The following NFXL1 variants were observed in gnomAD, a reference collection of about 807,000 sequenced individuals.
NFXL1 encodes nuclear transcription factor, X-box binding like 1.
Under a neutral mutation model 123.3 loss-of-function variants are expected in NFXL1, and 66 were observed. The ratio of observed to expected loss-of-function variants is 0.54; its 90% CI spans 0.44 to 0.66. The LOEUF (loss-of-function observed/expected upper bound fraction) is 0.66, where lower values mean the gene tolerates loss of function less well. Ranked by LOEUF, NFXL1 falls within the 30% of genes least tolerant of loss-of-function variation. NFXL1 has a pLI of 0.00. For synonymous variants in NFXL1, 346 were observed against 360.8 expected (o/e 0.96, Z 0.46); for missense variants, 944 against 1,125.6 (o/e 0.84, Z 2.31).
chr4:47,897,875 G>T, intron 9 of NFXL1, 92 bp downstream of exon 9: 2 of 710,806 alleles, frequency 2.8e-6, no homozygotes, highest in Non-Finnish European at 4.6e-6. Context: ...TTAGTAATAT[G>T]CACTTAAGTT....
chr4:47,884,571 GCTTA>G, intron 14 of NFXL1, 134 bp from the exon 15 acceptor site: 1 of 547,444 alleles, frequency 1.8e-6, no homozygotes, highest in East Asian at 3.0e-5. Context: ...AATAAATTGT[GCTTA>G]CTGAAATATT....
rs1244075803 is a variant in NFXL1 at position 47,878,625 on chromosome 4, C to G, written c.1979G>C (p.Cys660Ser). ...CAAGATTCTTCCACAAACTCTTTTA[C>G]AAGAGTAGGGTCCTACAGCATGGCA... ...LPCHAVGPYS[C>S]KRVCGRILDC... Residue 660 changes from cysteine (C) to serine (S), a missense_variant, in exon 17 of 23, where the codon TGT becomes TCT. Transcript: ENST00000507489. 6.2e-7 allele frequency: 1 copy of G among 1,605,084 alleles called. No homozygotes were observed.
intron 4 of NFXL1, among the ~76,000 whole-genome samples, chr4:47,904,771 GTTTTGTCTGAA>G (rs1188819194): frequency 6.6e-6 from 1 of 152,148 alleles, no homozygotes; most frequent in African/African-American, 2.4e-5. Context: ...AAGGACATGA[GTTTTGTCTGAA>G]TCTCTCTCCC....
chr4:47,908,308 C>T (rs1737655474), intron 3 of NFXL1, among the ~76,000 whole-genome samples: 1 of 151,930 alleles, frequency 6.6e-6, no homozygotes, highest in Non-Finnish European at 1.5e-5. Flanking sequence ...CTTGCAGTAC[C>T]AGCTACTTGG....
chr4:47,867,685 T>C (rs921682464), intron 18 of NFXL1, among the ~76,000 whole-genome samples: 3 of 151,980 alleles, frequency 2.0e-5, no homozygotes, highest in African/African-American at 7.3e-5. Flanking sequence ...GAAACAACTT[T>C]AGGGGTCCCA....
intron 18 of NFXL1, among the ~76,000 whole-genome samples, chr4:47,874,126 C>A (rs189656135): frequency 6.6e-6 from 1 of 152,314 alleles, no homozygotes; most frequent in East Asian, 1.9e-4. Context: ...CTATCCAAAC[C>A]ACTAAAACTT....
intron 1 of NFXL1, 62 bp downstream of exon 1, chr4:47,914,303 G>C: frequency 8.4e-6 from 8 of 952,276 alleles, no homozygotes; most frequent in Non-Finnish European, 1.1e-5. Flanking sequence ...GTGAGGGGCC[G>C]AGTGAGGAAG....
At chr4:47,856,998 G>A (rs750892676) in intron 19 of NFXL1, among the ~76,000 whole-genome samples, 6 of 151,910 alleles carry the variant, frequency 3.9e-5, no homozygotes, top group South Asian at 4.2e-4. Flanking sequence ...CTCAAAATAC[G>A]TCTCTATATC....
At chr4:47,875,027 T>C (rs940965572) in intron 18 of NFXL1, 100 bp downstream of exon 18, 8 of 669,276 alleles carry the variant, frequency 1.2e-5, no homozygotes, top group African/African-American at 5.6e-5. Flanking sequence ...TCTAGGCATC[T>C]AGAGTTTAAG....
Position 47,849,603 on chromosome 4 carries a change from A to C in NFXL1, c.2563-1267T>G, listed in dbSNP as rs545373950. Among the ~76,000 whole-genome samples, 3 of 152,352 alleles carry C rather than the reference A, an allele frequency of 2.0e-5. No homozygotes were observed. In the East Asian group the frequency reaches 5.8e-4, roughly 29 times the overall value. ...AATGTCAGACTACTCCCAAGTGGTT[A>C]GTTTCTGACATATAAAAAACGTCAA... On this transcript the variant is annotated intron_variant, in intron 22 of 22. Coordinates refer to ENST00000507489, the MANE Select transcript of NFXL1 (RefSeq NM_001278624.2).
rs201213581 is a variant in NFXL1 at position 47,855,102 on chromosome 4, T to A, written c.2378A>T (p.Asn793Ile). The change falls in exon 20 of 23, where the codon AAC (asparagine) becomes ATC (isoleucine). Residue 793 changes from asparagine to isoleucine, a missense_variant. Around this residue, in one of 4 missense-constraint regions of NFXL1, gnomAD observed 301 missense variants for 348.0 expected, o/e 0.86. Transcript: ENST00000507489. ...CHPGECPFNCNQKVKLRCPCK... is the reference protein window; with the variant it reads ...CHPGECPFNCIQKVKLRCPCK... ...AGGACATCTAAGTTTTACCTTCTGG[T>A]TGCAGTTAAAGGGACATTCACCAGG... The A allele has an allele frequency of 6.3e-7, 1 of 1,578,560 alleles. No individual in the cohort carries two copies. Among genetic ancestry groups the A allele is most frequent in the East Asian group, 2.3e-5 (1 of 43,876 alleles).
At chr4:47,911,638 G>A (rs545966813) in intron 2 of NFXL1, among the ~76,000 whole-genome samples, 16 of 152,282 alleles carry the variant, frequency 1.1e-4, no homozygotes, top group African/African-American at 3.1e-4. Flanking sequence ...GTATTAACAT[G>A]GAAAACATGT....
intron 2 of NFXL1, among the ~76,000 whole-genome samples, chr4:47,913,161 T>C (rs1737926927): frequency 6.6e-6 from 1 of 152,130 alleles, no homozygotes; most frequent in South Asian, 2.1e-4. Context: ...AGATACTCAA[T>C]TCTGCTCCAC....
intron 10 of NFXL1, among the ~76,000 whole-genome samples, chr4:47,894,589 A>C (rs1736971094): frequency 6.6e-6 from 1 of 151,910 alleles, no homozygotes; most frequent in East Asian, 1.9e-4. Context: ...CATTACAACC[A>C]TAACATCTGC....
At chr4:47,901,822 C>T (rs1481722409) in intron 5 of NFXL1, among the ~76,000 whole-genome samples, 5 of 152,180 alleles carry the variant, frequency 3.3e-5, no homozygotes, top group African/African-American at 1.2e-4. Flanking sequence ...AAATCTCTCA[C>T]AGATTGCTGA....
chr4:47,900,974 G>T (rs1737332080), intron 5 of NFXL1, among the ~76,000 whole-genome samples: 1 of 152,146 alleles, frequency 6.6e-6, no homozygotes, highest in Admixed American at 6.5e-5. Context: ...AGTGTGGAGG[G>T]GGATATGTAT....
At chr4:47,879,184 T>C (rs1735934989) in intron 15 of NFXL1, 67 bp from the exon 16 acceptor site, 2 of 635,356 alleles carry the variant, frequency 3.1e-6, no homozygotes, top group Admixed American at 3.1e-5. Context: ...CTAAAGATGC[T>C]AACTCTACTA....
At chr4:47,861,230 T>C (rs558364704) in intron 19 of NFXL1, among the ~76,000 whole-genome samples, 4 of 152,344 alleles carry the variant, frequency 2.6e-5, no homozygotes, top group South Asian at 4.1e-4. Context: ...ATTACTGTTA[T>C]GGTGTCACCA....
chr4:47,896,752 C>A, intron 9 of NFXL1, 105 bp from the exon 10 acceptor site: 1 of 673,488 alleles, frequency 1.5e-6, no homozygotes, highest in Non-Finnish European at 2.4e-6. Flanking sequence ...CACTTTCAGA[C>A]TATAAATTTT....
Sources: allele counts gnomAD v4.1 joint callset (sites outside exome capture counted in the v4.1 genomes callset), GRCh38; gene constraint gnomAD v4.1.1; regional missense constraint gnomAD v4.1.1; transcripts MANE v1.5; gene names NCBI Gene and HGNC (gene_info 2026-07-23, HGNC 2026-07-21).